SULT1B1: variants seen among roughly 807,000 people sequenced by gnomAD.
SULT1B1 encodes the protein sulfotransferase 1B1.
Under a neutral mutation model 34.6 loss-of-function variants are expected in SULT1B1, and 28 were observed. The observed-to-expected ratio is 0.81, with a 90% confidence interval of 0.60 to 1.11. The LOEUF is 1.11. Ranked by LOEUF, SULT1B1 falls within the 50% of genes least tolerant of loss-of-function variation. SULT1B1 has a pLI of 0.00. For missense variants in SULT1B1, 374 were observed against 352.2 expected, an observed-to-expected ratio of 1.06 and a Z score of -0.50; for synonymous variants, 147 against 110.2, an observed-to-expected ratio of 1.33 and a Z score of -2.09.
intron 4 of SULT1B1, among the ~76,000 whole-genome samples, chr4:69,742,503 T>G (rs1440289115): frequency 6.6e-6 from 1 of 152,124 alleles, no homozygotes; most frequent in Non-Finnish European, 1.5e-5. Flanking sequence ...GGCCCAGGGG[T>G]TTGATAGATT....
At chr4:69,728,710 T>C (rs1479343413) in intron 7 of SULT1B1, among the ~76,000 whole-genome samples, 2 of 152,042 alleles carry the variant, frequency 1.3e-5, no homozygotes, top group African/African-American at 2.4e-5. Flanking sequence ...TAATGCTTTT[T>C]ACTTCTGTAT....
chr4:69,750,186 A>T (rs1214874553), intron 3 of SULT1B1, among the ~76,000 whole-genome samples: 2 of 152,164 alleles, frequency 1.3e-5, no homozygotes, highest in African/African-American at 4.8e-5. Flanking sequence ...GACTATTTAA[A>T]TGTTTTCTTC....
At chr4:69,751,585 G>C (rs1318157445) in intron 3 of SULT1B1, among the ~76,000 whole-genome samples, 3 of 152,130 alleles carry the variant, frequency 2.0e-5, no homozygotes, top group Non-Finnish European at 2.9e-5. Context: ...CCGAGTAGTT[G>C]AGACTACCGG....
intron 4 of SULT1B1, among the ~76,000 whole-genome samples, chr4:69,747,925 G>A (rs1296477043): frequency 1.3e-5 from 2 of 151,992 alleles, no homozygotes; most frequent in East Asian, 3.9e-4. Context: ...CACCCTTAAT[G>A]CCTTTTATCC....
At chr4:69,756,322 T>C (rs1560532556) in intron 1 of SULT1B1, among the ~76,000 whole-genome samples, 1 of 152,184 alleles carries the variant, frequency 6.6e-6, no homozygotes. Flanking sequence ...TCCTGTTAAC[T>C]TCTTCTTGAT....
chr4:69,729,262 T>C (rs1201141798), intron 7 of SULT1B1, among the ~76,000 whole-genome samples: 1 of 152,028 alleles, frequency 6.6e-6, no homozygotes, highest in East Asian at 1.9e-4. Flanking sequence ...TTATATGCAG[T>C]TTTTTTCCAA....
intron 4 of SULT1B1, among the ~76,000 whole-genome samples, chr4:69,747,323 C>A (rs1396851719): frequency 6.6e-6 from 1 of 152,144 alleles, no homozygotes; most frequent in Non-Finnish European, 1.5e-5. Flanking sequence ...AGTAGGGATC[C>A]ATATGCAAAA....
rs1717849817 is a variant in SULT1B1 at position 69,726,859 on chromosome 4, C to T, written c.*229G>A. ...GGAAGAGCCTGTGGTTACATTGTTCCTTTGTTACAAAAAGTTAACAATGAA... is the reference window on the plus strand; with the variant it reads ...GGAAGAGCCTGTGGTTACATTGTTCTTTTGTTACAAAAAGTTAACAATGAA... On this transcript the variant is annotated 3_prime_UTR_variant, in exon 8 of 8. Coordinates refer to ENST00000310613, the MANE Select transcript of SULT1B1 (RefSeq NM_014465.4). 1.0e-5 allele frequency: 4 copies of T among 385,670 alleles called. No homozygotes were observed. In the South Asian group the frequency reaches 2.0e-4, roughly 20 times the overall value. 23.9% of individuals were successfully genotyped at this position (385,670 alleles called of 1,614,324 possible). A position where few individuals can be genotyped will look rare whatever the true frequency, so the allele number is the denominator to read the frequency against.
Position 69,730,385 on chromosome 4 carries a change from T to C in SULT1B1, c.778+116A>G, listed in dbSNP as rs977091838. On this transcript the variant is annotated intron_variant, in intron 7 of 7. Transcript: ENST00000310613. ...CTCAGCAACTTTTGGTGGTAGGTAT[T>C]TGCTATAAAGCTTAAACAGGCTAAG... The C allele has an allele frequency of 4.2e-5, 36 of 859,316 alleles. No homozygotes were observed. In the Admixed American group the frequency reaches 1.1e-3, roughly 26 times the overall value. The allele number at this position is 859,316 out of a possible 1,614,324, so 53.2% of individuals were successfully genotyped here. A position where few individuals can be genotyped will look rare whatever the true frequency, so the allele number is the denominator to read the frequency against.
chr4:69,728,707 T>C (rs1441661929), intron 7 of SULT1B1, among the ~76,000 whole-genome samples: 1 of 151,894 alleles, frequency 6.6e-6, no homozygotes, highest in Middle Eastern at 3.2e-3. Context: ...TAATAATGCT[T>C]TTTACTTCTG....
intron 4 of SULT1B1, among the ~76,000 whole-genome samples, chr4:69,735,624 G>A (rs539937337): frequency 5.9e-5 from 9 of 152,332 alleles, no homozygotes; most frequent in Admixed American, 5.2e-4. Flanking sequence ...GTCCAGGAAA[G>A]TACCTTATAC....
Position 69,748,632 on chromosome 4 carries a change from T to G in SULT1B1, c.375+1089A>C, listed in dbSNP as rs1356164513. On this transcript the variant is annotated intron_variant, in intron 4 of 7. Transcript: ENST00000310613. The stretch of plus-strand genomic sequence containing the variant: ...TAGAACAAGATGAACCATAAGAAAT[T>G]TAAAAGAATTGCAATTATGTAGAGT... 2.0e-5 allele frequency among the ~76,000 whole-genome samples: 3 copies of G among 152,176 alleles called. 1 individual carries two copies. In the East Asian group the frequency reaches 5.8e-4, roughly 29 times the overall value.
chr4:69,736,325 C>A, intron 4 of SULT1B1, among the ~76,000 whole-genome samples: 1 of 152,198 alleles, frequency 6.6e-6, no homozygotes, highest in East Asian at 1.9e-4. Context: ...GCCTCAGAGC[C>A]AGTGGACTTG....
chr4:69,748,824 T>A (rs1718855589), intron 4 of SULT1B1, among the ~76,000 whole-genome samples: 1 of 152,104 alleles, frequency 6.6e-6, no homozygotes, highest in Non-Finnish European at 1.5e-5. Context: ...ATTGAAAGCA[T>A]GACATATCAA....
At chr4:69,729,972 A>G (rs1182933440) in intron 7 of SULT1B1, among the ~76,000 whole-genome samples, 1 of 152,160 alleles carries the variant, frequency 6.6e-6, no homozygotes, top group Non-Finnish European at 1.5e-5. Flanking sequence ...TCTAAGTTAA[A>G]TTTAGACTCT....
At chr4:69,758,548 G>A (rs1719277532) in intron 1 of SULT1B1, 1 of 873,150 alleles carries the variant, frequency 1.1e-6, no homozygotes, top group Non-Finnish European at 1.4e-6. Context: ...TGAATTAATT[G>A]AGAAAAATAA....
At chr4:69,735,572 CTT>C (rs1718270944) in intron 4 of SULT1B1, among the ~76,000 whole-genome samples, 1 of 152,140 alleles carries the variant, frequency 6.6e-6, no homozygotes, top group African/African-American at 2.4e-5. Flanking sequence ...GGCCCGAAGG[CTT>C]CTCTCCAATT....
intron 1 of SULT1B1, among the ~76,000 whole-genome samples, chr4:69,757,863 C>A (rs1719251099): frequency 6.6e-6 from 1 of 152,018 alleles, no homozygotes; most frequent in Non-Finnish European, 1.5e-5. Context: ...GAGTTGCAGG[C>A]CTCAAAAACC....
chr4:69,748,257 C>A (rs1487747283), intron 4 of SULT1B1, among the ~76,000 whole-genome samples: 1 of 151,862 alleles, frequency 6.6e-6, no homozygotes, highest in Non-Finnish European at 1.5e-5. Context: ...ACAAGATAGA[C>A]GTCAGTGGAA....
Sources: allele counts gnomAD v4.1 joint callset (sites outside exome capture counted in the v4.1 genomes callset), GRCh38; gene constraint gnomAD v4.1.1; transcripts MANE v1.5; gene names NCBI Gene and HGNC (gene_info 2026-07-23, HGNC 2026-07-21).